The following VWA3B variants were observed in gnomAD, a reference collection of about 807,000 sequenced individuals.
VWA3B encodes the protein von Willebrand factor A domain-containing protein 3B.
VWA3B carries 138 observed loss-of-function variants against 158.3 expected under a neutral mutation model. That is an observed-to-expected ratio of 0.87 (90% CI 0.76 to 1.00). The LOEUF is 1.00. VWA3B is among the 50% of genes least tolerant of loss of function. VWA3B has a pLI of 0.00. For synonymous variants in VWA3B, 596 were observed against 587.3 expected (o/e 1.01, Z -0.21); for missense variants, 1,555 against 1,565.1 (o/e 0.99, Z 0.11).
At position 98,270,653 on chromosome 2, in the gene VWA3B, G is replaced by C. The variant is rs4851955; in HGVS notation, c.2844-29G>C. The C allele has an allele frequency of 0.44, 692,691 of 1,592,070 alleles. 155,997 individuals are homozygous for C. The highest frequency in any genetic ancestry group is 0.52 in the Admixed American group (29,999 of 57,554). The stretch of plus-strand genomic sequence containing the variant: ...TTCTTTGCTTTTTGTTTCTTCCTCT[G>C]TTTGTTTGTTTGTTTCTTTGTTTTT... On this transcript the variant is annotated intron_variant, in intron 21 of 27. Transcript: ENST00000477737.
intron 9 of VWA3B, among the ~76,000 whole-genome samples, chr2:98,184,062 C>T (rs983570608): frequency 4.6e-5 from 7 of 152,194 alleles, no homozygotes; most frequent in African/African-American, 1.4e-4. Flanking sequence ...TTAGGTAACT[C>T]GCTTGAGATT....
rs563781998 is a variant in VWA3B, at chr2:98,095,004, T to G, written c.196+1716T>G. 2.0e-5 allele frequency among the ~76,000 whole-genome samples: 3 copies of G among 152,312 alleles called. No individual in the cohort carries two copies. The East Asian group carries it at 5.8e-4, about 29-fold the overall frequency. ...CTATGTGTCTGTTTTTATGCCAGTATCATGCTGTTTTGATTACTATAGTTT... is the reference window on the plus strand; with the variant it reads ...CTATGTGTCTGTTTTTATGCCAGTAGCATGCTGTTTTGATTACTATAGTTT... On this transcript the variant is annotated intron_variant, in intron 2 of 27. Transcript: ENST00000477737.
At chr2:98,100,432 G>T (rs1468234716) in intron 2 of VWA3B, among the ~76,000 whole-genome samples, 2 of 152,222 alleles carry the variant, frequency 1.3e-5, no homozygotes, top group South Asian at 2.1e-4. Context: ...CAGTGTTGGG[G>T]CACACCCAAA....
chr2:98,177,713 C>T (rs187259284), intron 8 of VWA3B, among the ~76,000 whole-genome samples: 35 of 152,222 alleles, frequency 2.3e-4, no homozygotes, highest in Middle Eastern at 3.4e-3. Flanking sequence ...GAGCCTGAAT[C>T]CTGCCCTCAG....
At chr2:98,130,958 T>C (rs1035480111) in intron 6 of VWA3B, among the ~76,000 whole-genome samples, 1 of 152,218 alleles carries the variant, frequency 6.6e-6, no homozygotes, top group Non-Finnish European at 1.5e-5. Context: ...CTGGCTATTG[T>C]GAAATATAAA....
chr2:98,178,205 C>T (rs1264350425), intron 8 of VWA3B, among the ~76,000 whole-genome samples: 2 of 152,082 alleles, frequency 1.3e-5, no homozygotes, highest in African/African-American at 4.8e-5. Context: ...GGCTTGAGCT[C>T]CCGGAGAAGC....
At chr2:98,181,573 G>A (rs1269188803) in intron 9 of VWA3B, among the ~76,000 whole-genome samples, 1 of 152,184 alleles carries the variant, frequency 6.6e-6, no homozygotes, top group African/African-American at 2.4e-5. Context: ...TATGCCCAGC[G>A]CAGCAGGCGT....
In VWA3B at chr2:98,230,118, A is replaced by G. The variant is rs781160074; in HGVS notation, c.2219A>G (p.Asp740Gly). 39 of 1,611,646 alleles carry G rather than the reference A, an allele frequency of 2.4e-5. No individual in the cohort carries two copies. The highest frequency in any genetic ancestry group is 3.3e-5 in the Non-Finnish European group (39 of 1,179,488). Residue 740 changes from aspartate to glycine, a missense_variant, in exon 16 of 28, where the codon GAT becomes GGT. Physicochemically the swap from Asp to Gly is moderately conservative, Grantham distance 94. Transcript: ENST00000477737. ...TGTGCAAAGCCTCAATCTGATGTCG[A>G]TTCAACACAAACTTCATCTCTGAAT... ...EKCAKPQSDV[D>G]STQTSSLNML...
chr2:98,257,588 G>A (rs1397221555), intron 21 of VWA3B, among the ~76,000 whole-genome samples: 1 of 151,674 alleles, frequency 6.6e-6, no homozygotes, highest in East Asian at 1.9e-4. Flanking sequence ...GGGTGTGAAA[G>A]GCTATTCTGC....
intron 19 of VWA3B, among the ~76,000 whole-genome samples, chr2:98,246,191 A>T (rs1351101882): frequency 6.6e-6 from 1 of 152,084 alleles, no homozygotes; most frequent in African/African-American, 2.4e-5. Flanking sequence ...TGAAATCTCA[A>T]TTTTTAGAAG....
At chr2:98,150,989 C>A (rs1446287033) in intron 7 of VWA3B, among the ~76,000 whole-genome samples, 1 of 152,220 alleles carries the variant, frequency 6.6e-6, no homozygotes, top group Non-Finnish European at 1.5e-5. Flanking sequence ...GTTTGCTGAG[C>A]TTCTTGTACC....
At chr2:98,179,990 C>T (rs907436501) in intron 8 of VWA3B, among the ~76,000 whole-genome samples, 1 of 139,370 alleles carries the variant, frequency 7.2e-6, no homozygotes, top group African/African-American at 2.7e-5. Context: ...TTCCTCCCTT[C>T]CTCCTTCCCT....
At chr2:98,210,195 T>C (rs1229943249) in intron 12 of VWA3B, among the ~76,000 whole-genome samples, 1 of 152,228 alleles carries the variant, frequency 6.6e-6, no homozygotes, top group African/African-American at 2.4e-5. Context: ...ATGGAATTAC[T>C]TGCTGAATCC....
At chr2:98,284,510 C>T (rs1689055155) in intron 22 of VWA3B, among the ~76,000 whole-genome samples, 1 of 152,094 alleles carries the variant, frequency 6.6e-6, no homozygotes, top group Admixed American at 6.5e-5. Context: ...AGCCAACTGC[C>T]TCATAAATTA....
chr2:98,207,921 AC>A (rs1392302658), intron 12 of VWA3B, among the ~76,000 whole-genome samples: 1 of 152,056 alleles, frequency 6.6e-6, no homozygotes, highest in African/African-American at 2.4e-5. Context: ...TGTACTGAAG[AC>A]CCCAACCATA....
rs532855806 is a variant in VWA3B at position 98,199,665 on chromosome 2, T to C, written c.1737+5173T>C. Among the ~76,000 whole-genome samples, 67 of 152,330 alleles carry C rather than the reference T, an allele frequency of 4.4e-4. No individual in the cohort carries two copies. In the South Asian group the frequency reaches 0.012, roughly 28 times the overall value. On this transcript the variant is annotated intron_variant, in intron 12 of 27. Coordinates refer to ENST00000477737, the MANE Select transcript of VWA3B (RefSeq NM_144992.5). ...GCTCCAGAGTTAGGTATTATCTTTA[T>C]ATTGGACAATAAGCATGCCTACTCT...
chr2:98,136,930 C>T (rs1166413923), intron 7 of VWA3B, among the ~76,000 whole-genome samples: 1 of 152,186 alleles, frequency 6.6e-6, no homozygotes, highest in Non-Finnish European at 1.5e-5. Context: ...TGGCTTATTT[C>T]ACTTAGCGTA....
At chr2:98,089,636 TC>T (rs1431706086) in intron 1 of VWA3B, among the ~76,000 whole-genome samples, 2 of 148,688 alleles carry the variant, frequency 1.3e-5, no homozygotes, top group Non-Finnish European at 3.0e-5. Flanking sequence ...TTTCTCCCTT[TC>T]CCCCTTTCCT....
intron 8 of VWA3B, among the ~76,000 whole-genome samples, chr2:98,175,699 A>G (rs966295928): frequency 1.3e-5 from 2 of 152,230 alleles, no homozygotes; most frequent in Admixed American, 6.5e-5. Flanking sequence ...GAAAACATTA[A>G]TTTACCCATC....
Sources: gnomAD v4.1 joint callset for allele counts (sites outside exome capture counted in the v4.1 genomes callset) on GRCh38, gnomAD v4.1.1 for gene constraint, MANE v1.5 for transcripts, NCBI Gene and HGNC (gene_info 2026-07-23, HGNC 2026-07-21) for gene names.